KCNIP1: variants seen among roughly 807,000 people sequenced by gnomAD.
KCNIP1 encodes the protein potassium voltage-gated channel interacting protein 1.
In KCNIP1, 18 loss-of-function variants were observed where a neutral mutation model predicts 33.0. The ratio of observed to expected loss-of-function variants is 0.55; its 90% confidence interval spans 0.38 to 0.81. The LOEUF is 0.81. Among genes scored for constraint, KCNIP1 ranks in the 30% least tolerant of loss-of-function variants. KCNIP1 has a pLI of 0.00. For synonymous variants in KCNIP1, 93 were observed against 98.3 expected (o/e 0.95, Z 0.32); for missense variants, 238 against 271.6 (o/e 0.88, Z 0.87).
intron 1 of KCNIP1, among the ~76,000 whole-genome samples, chr5:170,650,833 A>G (rs1308657900): frequency 6.6e-6 from 1 of 152,244 alleles, no homozygotes; most frequent in Non-Finnish European, 1.5e-5. Flanking sequence ...CTTCTGCTCC[A>G]AAAGACACTC....
In KCNIP1 at chr5:170,489,003, G is replaced by C. The variant is rs925086222; in HGVS notation, c.88+135039G>C. Among the ~76,000 whole-genome samples the C allele has an allele frequency of 3.3e-5, 5 of 151,976 alleles. No homozygotes were observed. The highest frequency in any genetic ancestry group is 7.4e-5 in the Non-Finnish European group (5 of 67,980). On this transcript the variant is annotated intron_variant, in intron 1 of 7. Transcript: ENST00000377360. The surrounding 1 kb of genome is among the most constrained non-coding windows in gnomAD (Gnocchi z 4.3). ...CCAGAGTGCAGAGCTGAGCCAAGCA[G>C]GTAAGAGTACTGACCCCGAGCCCAC...
intron 1 of KCNIP1, among the ~76,000 whole-genome samples, chr5:170,394,120 A>T (rs1754689769): frequency 6.6e-6 from 1 of 152,084 alleles, no homozygotes; most frequent in Non-Finnish European, 1.5e-5. Flanking sequence ...CTCTCCTTCC[A>T]TGGCACATGT....
chr5:170,452,279 T>C (rs961494988), intron 1 of KCNIP1, among the ~76,000 whole-genome samples: 1 of 152,212 alleles, frequency 6.6e-6, no homozygotes, highest in South Asian at 2.1e-4. Flanking sequence ...ATTAATCTCC[T>C]TCTTCGAAAA....
intron 1 of KCNIP1, among the ~76,000 whole-genome samples, chr5:170,464,488 A>G (rs750999377): frequency 4.6e-5 from 7 of 152,236 alleles, no homozygotes; most frequent in Non-Finnish European, 8.8e-5. Context: ...CTGATTTCGA[A>G]TCTTACTTCA....
At chr5:170,427,686 G>C (rs745723643) in intron 1 of KCNIP1, among the ~76,000 whole-genome samples, 1 of 152,200 alleles carries the variant, frequency 6.6e-6, no homozygotes. Context: ...TGGGCCCCAG[G>C]ACTGCTCCCA....
At chr5:170,570,476 G>A (rs893284617) in intron 1 of KCNIP1, among the ~76,000 whole-genome samples, 13 of 151,896 alleles carry the variant, frequency 8.6e-5, no homozygotes, top group African/African-American at 3.1e-4. Context: ...CCCCCAATAG[G>A]CACTTGAGAA....
At chr5:170,664,777 T>C (rs1473073392) in intron 1 of KCNIP1, among the ~76,000 whole-genome samples, 1 of 152,042 alleles carries the variant, frequency 6.6e-6, no homozygotes, top group Non-Finnish European at 1.5e-5. Flanking sequence ...TAGTGATAAA[T>C]ACTCCAAAGA....
intron 1 of KCNIP1, among the ~76,000 whole-genome samples, chr5:170,436,513 A>C (rs1279427344): frequency 6.6e-6 from 1 of 152,204 alleles, no homozygotes; most frequent in African/African-American, 2.4e-5. Context: ...AATCCCCAGG[A>C]GGGAACACGG....
At chr5:170,481,868 T>G (rs751098594) in intron 1 of KCNIP1, among the ~76,000 whole-genome samples, 99 of 152,152 alleles carry the variant, frequency 6.5e-4, no homozygotes, top group Non-Finnish European at 1.2e-3. Context: ...CCATGGTGGG[T>G]TTTTCCCTGA....
intron 1 of KCNIP1, among the ~76,000 whole-genome samples, chr5:170,656,028 C>T (rs915962861): frequency 1.3e-5 from 2 of 152,312 alleles, no homozygotes; most frequent in Non-Finnish European, 1.5e-5. Flanking sequence ...TGACCTTCCT[C>T]GTACTCCATG....
At position 170,678,186 on chromosome 5, in the gene KCNIP1, A is replaced by G. The variant is rs554076132; in HGVS notation, c.62-40572A>G. On this transcript the variant is annotated intron_variant, in intron 1 of 7. Coordinates refer to ENST00000328939, the MANE Select transcript of KCNIP1 (RefSeq NM_014592.4). Reference sequence around the variant, plus strand: ...GAGAAGAAGGCAGGTTTTCTGATAAACAATTCCTGTATCTTTCACAAATGC... The same window carrying G: ...GAGAAGAAGGCAGGTTTTCTGATAAGCAATTCCTGTATCTTTCACAAATGC... 3.3e-5 allele frequency among the ~76,000 whole-genome samples: 5 copies of G among 152,356 alleles called. No individual in the cohort carries two copies. In the South Asian group the frequency reaches 8.3e-4, roughly 25 times the overall value.
At chr5:170,474,586 C>T (rs1581225017) in intron 1 of KCNIP1, among the ~76,000 whole-genome samples, 1 of 152,178 alleles carries the variant, frequency 6.6e-6, no homozygotes, top group East Asian at 1.9e-4. Flanking sequence ...AGACCTTAAG[C>T]TTTACATGTG....
intron 1 of KCNIP1, among the ~76,000 whole-genome samples, chr5:170,673,180 G>A (rs990838456): frequency 4.6e-5 from 7 of 152,180 alleles, no homozygotes; most frequent in East Asian, 3.8e-4. Context: ...GCCCAACCCC[G>A]ATTAGTCTAA....
chr5:170,592,935 C>G (rs1183140847), intron 1 of KCNIP1, among the ~76,000 whole-genome samples: 1 of 151,990 alleles, frequency 6.6e-6, no homozygotes, highest in Non-Finnish European at 1.5e-5. Context: ...GCTTGCATTC[C>G]TCCTAGTTGG....
chr5:170,659,806 A>T (rs1761405992), intron 1 of KCNIP1, among the ~76,000 whole-genome samples: 1 of 152,168 alleles, frequency 6.6e-6, no homozygotes, highest in African/African-American at 2.4e-5. Flanking sequence ...CGGGTGCAAA[A>T]GTAATTGTAG....
intron 1 of KCNIP1, among the ~76,000 whole-genome samples, chr5:170,490,321 G>A (rs975011633): frequency 6.6e-6 from 1 of 152,214 alleles, no homozygotes; most frequent in East Asian, 1.9e-4. Context: ...CTTTCACTGT[G>A]TGAAATTCTC....
upstream of KCNIP1, among the ~76,000 whole-genome samples, chr5:170,502,832 A>C (rs1336383560): frequency 6.6e-6 from 1 of 152,162 alleles, no homozygotes; most frequent in African/African-American, 2.4e-5. Flanking sequence ...GAACCCAAGC[A>C]GCTCAGACTT....
intron 1 of KCNIP1, among the ~76,000 whole-genome samples, chr5:170,682,420 A>G (rs1762381083): frequency 6.6e-6 from 1 of 152,236 alleles, no homozygotes; most frequent in Non-Finnish European, 1.5e-5. Flanking sequence ...TTTACTGTTC[A>G]GCATGTTAGC....
At chr5:170,364,628 C>G (rs764170126) in intron 1 of KCNIP1, among the ~76,000 whole-genome samples, 13 of 152,176 alleles carry the variant, frequency 8.5e-5, no homozygotes, top group Non-Finnish European at 1.5e-4. Context: ...CTCTCTCCCT[C>G]AATTCATTCA....
Sources: allele counts gnomAD v4.1 joint callset (sites outside exome capture counted in the v4.1 genomes callset), GRCh38; gene constraint gnomAD v4.1.1; non-coding constraint Gnocchi (gnomAD v3.1); transcripts MANE v1.5; gene names NCBI Gene and HGNC (gene_info 2026-07-23, HGNC 2026-07-21).